GPR158: variants seen among roughly 807,000 people sequenced by gnomAD.
GPR158 encodes the protein metabotropic glycine receptor.
A neutral mutation model predicts 78.2 loss-of-function variants in GPR158; 30 were observed. That is an observed-to-expected ratio of 0.38 (90% CI 0.29 to 0.52). The LOEUF (loss-of-function observed/expected upper bound fraction) is 0.52, where lower values mean the gene tolerates loss of function less well. GPR158 is among the 20% of genes least tolerant of loss of function. GPR158 has a pLI of 0.83. For missense variants in GPR158, 1,463 were observed against 1,523.5 expected, an observed-to-expected ratio of 0.96 and a Z score of 0.66; for synonymous variants, 581 against 591.1, an observed-to-expected ratio of 0.98 and a Z score of 0.25.
chr10:25,557,768 G>T (rs1836804101), intron 6 of GPR158, among the ~76,000 whole-genome samples: 1 of 152,164 alleles, frequency 6.6e-6, no homozygotes, highest in South Asian at 2.1e-4. Flanking sequence ...TTAACTAGAG[G>T]TCTGTATTCA....
chr10:25,458,020 C>A (rs1008538533), intron 4 of GPR158, among the ~76,000 whole-genome samples: 16 of 152,306 alleles, frequency 1.1e-4, no homozygotes, highest in African/African-American at 3.8e-4. Flanking sequence ...CTTGTTATTT[C>A]TAATTTCACA....
At chr10:25,203,332 C>T (rs1564390281) in intron 1 of GPR158, among the ~76,000 whole-genome samples, 1 of 152,158 alleles carries the variant, frequency 6.6e-6, no homozygotes, top group Non-Finnish European at 1.5e-5. Context: ...CTTGCCCATG[C>T]CTATTTCCTG....
intron 4 of GPR158, among the ~76,000 whole-genome samples, chr10:25,464,045 C>T (rs1835391411): frequency 6.6e-6 from 1 of 152,220 alleles, no homozygotes; most frequent in East Asian, 1.9e-4. Context: ...GCATTTTGAA[C>T]AGGACTTACA....
chr10:25,333,654 A>G (rs992626141), intron 2 of GPR158, among the ~76,000 whole-genome samples: 2 of 152,250 alleles, frequency 1.3e-5, no homozygotes, highest in South Asian at 4.1e-4. Flanking sequence ...TTCAAGAGGA[A>G]AAGAATCATT....
At chr10:25,288,130 A>G (rs1854379214) in intron 2 of GPR158, among the ~76,000 whole-genome samples, 1 of 152,212 alleles carries the variant, frequency 6.6e-6, no homozygotes, top group African/African-American at 2.4e-5. Context: ...TCACATATTA[A>G]CCCATTTAAT....
chr10:25,370,981 G>A (rs1330359778), intron 2 of GPR158, among the ~76,000 whole-genome samples: 32 of 147,944 alleles, frequency 2.2e-4, no homozygotes, highest in Non-Finnish European at 3.7e-4. Flanking sequence ...TCAGAGACTA[G>A]GATTGCAACC....
chr10:25,192,912 T>G (rs533806511), intron 1 of GPR158, among the ~76,000 whole-genome samples: 3 of 152,226 alleles, frequency 2.0e-5, no homozygotes, highest in Admixed American at 6.5e-5. Context: ...ATAGGCTTTA[T>G]TTTAGATGAT....
At chr10:25,447,817 CAG>C (rs1464658887) in intron 4 of GPR158, among the ~76,000 whole-genome samples, 3 of 151,560 alleles carry the variant, frequency 2.0e-5, no homozygotes, top group Non-Finnish European at 4.4e-5. Flanking sequence ...ATAATTTACA[CAG>C]AGTGAAATGC....
At chr10:25,540,575 A>T (rs1297012073) in intron 5 of GPR158, among the ~76,000 whole-genome samples, 3 of 152,160 alleles carry the variant, frequency 2.0e-5, no homozygotes, top group African/African-American at 7.2e-5. Context: ...GGATTAAGAA[A>T]ATGTGGCACA....
intron 4 of GPR158, among the ~76,000 whole-genome samples, chr10:25,430,661 G>C (rs1239387556): frequency 2.0e-5 from 3 of 148,644 alleles, no homozygotes; most frequent in African/African-American, 5.0e-5. Context: ...TACCAAAACA[G>C]AGATATAGAT....
intron 7 of GPR158, among the ~76,000 whole-genome samples, chr10:25,587,935 G>T (rs1438171786): frequency 6.6e-6 from 1 of 152,096 alleles, no homozygotes; most frequent in Non-Finnish European, 1.5e-5. Flanking sequence ...GTTCCATCTA[G>T]ATAATGCATT....
intron 4 of GPR158, among the ~76,000 whole-genome samples, chr10:25,432,559 A>G (rs1834926761): frequency 6.6e-6 from 1 of 152,228 alleles, no homozygotes; most frequent in Non-Finnish European, 1.5e-5. Flanking sequence ...GTCATCATGC[A>G]TTGACATATG....
chr10:25,470,956 C>CT (rs35299745), intron 5 of GPR158, among the ~76,000 whole-genome samples: 36,654 of 151,614 alleles, frequency 0.24, 6,105 homozygotes, highest in African/African-American at 0.47. Flanking sequence ...TTGATGTCTT[C>CT]TTTTTTTTAA....
chr10:25,532,547 C>A (rs1235223887), intron 5 of GPR158, among the ~76,000 whole-genome samples: 4 of 151,938 alleles, frequency 2.6e-5, no homozygotes, highest in African/African-American at 9.7e-5. Flanking sequence ...TTTTCTGTAT[C>A]TTTCCACCTC....
chr10:25,319,419 C>A (rs1219549593), intron 2 of GPR158, among the ~76,000 whole-genome samples: 1 of 152,074 alleles, frequency 6.6e-6, no homozygotes, highest in Non-Finnish European at 1.5e-5. Flanking sequence ...AACACAATGT[C>A]TTCTACATAA....
intron 5 of GPR158, among the ~76,000 whole-genome samples, chr10:25,531,833 A>G (rs1174521181): frequency 6.6e-6 from 1 of 152,190 alleles, no homozygotes; most frequent in Admixed American, 6.5e-5. Context: ...TCAGCTTTCC[A>G]CATGAGGGAG....
chr10:25,512,172 ATG>A (rs760636205), intron 5 of GPR158, among the ~76,000 whole-genome samples: 7 of 152,108 alleles, frequency 4.6e-5, no homozygotes, highest in African/African-American at 7.2e-5. Flanking sequence ...ATGAGCATGA[ATG>A]TGTTTCCATT....
chr10:25,512,377 A>G (rs903752793), intron 5 of GPR158, among the ~76,000 whole-genome samples: 20 of 152,214 alleles, frequency 1.3e-4, no homozygotes, highest in African/African-American at 4.6e-4. Context: ...TGTGTACATT[A>G]ATTTTATAAC....
intron 5 of GPR158, among the ~76,000 whole-genome samples, chr10:25,488,677 C>A (rs967091430): frequency 1.3e-5 from 2 of 152,034 alleles, no homozygotes; most frequent in African/African-American, 4.8e-5. Context: ...CTTGTTCTTT[C>A]TTTCACTTGC....
Sources: allele counts gnomAD v4.1 joint callset (sites outside exome capture counted in the v4.1 genomes callset), GRCh38; gene constraint gnomAD v4.1.1; transcripts MANE v1.5; gene names NCBI Gene and HGNC (gene_info 2026-07-23, HGNC 2026-07-21).